HARS1: variants seen among roughly 807,000 people sequenced by gnomAD.
HARS1 encodes histidyl-tRNA synthetase 1.
Under a neutral mutation model 63.6 loss-of-function variants are expected in HARS1, and 45 were observed. That is an observed-to-expected ratio of 0.71 (90% CI 0.56 to 0.91). HARS1 has a LOEUF of 0.91. HARS1 is among the 40% of genes least tolerant of loss of function. The pLI, the probability that HARS1 is intolerant of heterozygous loss-of-function variation, is 0.00. For synonymous variants in HARS1, 205 were observed against 247.1 expected, an observed-to-expected ratio of 0.83 and a Z score of 1.60; for missense variants, 508 against 643.2, an observed-to-expected ratio of 0.79 and a Z score of 2.27.
At chr5:140,677,626 G>A (rs1372188038) in intron 7 of HARS1, 29 bp downstream of exon 7, 1 of 1,466,606 alleles carries the variant, frequency 6.8e-7, no homozygotes, top group African/African-American at 1.4e-5. Context: ...TGGGATCTGG[G>A]AAAAGAAGTC....
At chr5:140,682,193 G>A (rs1156345728) in intron 3 of HARS1, among the ~76,000 whole-genome samples, 1 of 152,066 alleles carries the variant, frequency 6.6e-6, no homozygotes, top group African/African-American at 2.4e-5. Context: ...AAGCAGCCTG[G>A]GCAACATAGC....
chr5:140,680,581 CGCCTGTAATCCCA>C, intron 3 of HARS1, among the ~76,000 whole-genome samples: 1 of 152,088 alleles, frequency 6.6e-6, no homozygotes, highest in East Asian at 1.9e-4. Flanking sequence ...TAGCGGCTCA[CGCCTGTAATCCCA>C]GCACTTTGGG....
intron 3 of HARS1, 104 bp downstream of exon 3, chr5:140,682,996 C>T: frequency 9.3e-7 from 1 of 1,073,604 alleles, no homozygotes; most frequent in South Asian, 1.5e-5. Context: ...TCTGTGTCCA[C>T]AACAGGAGTG....
Position 140,679,634 on chromosome 5 carries a change from T to C in HARS1, c.396+154A>G. On this transcript the variant is annotated intron_variant, in intron 4 of 12. Transcript: ENST00000504156. The surrounding 1 kb of genome is among the most constrained non-coding windows in gnomAD (Gnocchi z 4.3). ...AAGATTTCTAAGGATGTGTATGCTC[T>C]GTTTAGCCAAAGTTCCACTCCTGGT... The C allele has an allele frequency of 1.8e-6, 1 of 558,594 alleles. No individual in the cohort carries two copies. The highest frequency in any genetic ancestry group is 3.2e-6 in the Non-Finnish European group (1 of 310,444). The allele number at this position is 558,594 out of a possible 1,614,324, so 34.6% of individuals were successfully genotyped here. A position where few individuals can be genotyped will look rare whatever the true frequency, so the allele number is the denominator to read the frequency against.
At chr5:140,674,568 T>C in intron 12 of HARS1, 111 bp downstream of exon 12, 3 of 1,215,278 alleles carry the variant, frequency 2.5e-6, no homozygotes, top group African/African-American at 3.0e-5. Flanking sequence ...AAGGCTTTTA[T>C]GAGTTGTACT....
At chr5:140,687,856 A>G (rs1461381869) in intron 2 of HARS1, 1 of 152,210 alleles carries the variant, frequency 6.6e-6, no homozygotes, top group Non-Finnish European at 1.5e-5. Context: ...TAATCCCAGC[A>G]CTTTAGGAGG....
intron 2 of HARS1, among the ~76,000 whole-genome samples, chr5:140,689,171 A>C (rs1414070343): frequency 1.3e-5 from 2 of 152,206 alleles, no homozygotes; most frequent in East Asian, 3.8e-4. Context: ...AATTAACCTT[A>C]ACACAAGGAA....
chr5:140,681,772 CAT>C (rs1174564580), intron 3 of HARS1, among the ~76,000 whole-genome samples: 2 of 152,234 alleles, frequency 1.3e-5, no homozygotes, highest in East Asian at 3.9e-4. Context: ...GGCCTGCCAA[CAT>C]GTTATGTCAA....
Position 140,679,717 on chromosome 5 carries a change from C to G in HARS1, c.396+71G>C, listed in dbSNP as rs1758603433. 4.0e-6 allele frequency: 3 copies of G among 753,426 alleles called. No homozygotes were observed. Among genetic ancestry groups the G allele is most frequent in the Admixed American group, 4.6e-5 (2 of 43,706 alleles). 46.7% of individuals were successfully genotyped at this position (753,426 alleles called of 1,614,324 possible). A position where few individuals can be genotyped will look rare whatever the true frequency, so the allele number is the denominator to read the frequency against. ...CTCATATTTGATCCTACCTACTCTACCATTCTTAAACCTGAGCCAAGTGAG... is the reference window on the plus strand; with the variant it reads ...CTCATATTTGATCCTACCTACTCTAGCATTCTTAAACCTGAGCCAAGTGAG... On this transcript the variant is annotated intron_variant, in intron 4 of 12. Transcript: ENST00000504156. This position sits in a 1 kb window ranked among gnomAD's most constrained non-coding sequence, Gnocchi z 4.3.
intron 3 of HARS1, among the ~76,000 whole-genome samples, chr5:140,680,575 G>A (rs1356306288): frequency 5.3e-5 from 8 of 152,112 alleles, no homozygotes; most frequent in Admixed American, 5.2e-4. Context: ...CAGGCATAGC[G>A]GCTCACGCCT....
At position 140,679,933 on chromosome 5, in the gene HARS1, A is replaced by T; in HGVS notation, c.301-50T>A. ...GTCATAATAATAAACATAACAATTTAAAAGGAAGTTTTGAAAACAAACATG... is the reference window on the plus strand; with the variant it reads ...GTCATAATAATAAACATAACAATTTTAAAGGAAGTTTTGAAAACAAACATG... On this transcript the variant is annotated intron_variant, in intron 3 of 12. Transcript: ENST00000504156. This position sits in a 1 kb window ranked among gnomAD's most constrained non-coding sequence, Gnocchi z 4.3. The T allele has an allele frequency of 9.5e-7, 1 of 1,058,064 alleles. No individual in the cohort carries two copies. The highest frequency in any genetic ancestry group is 1.3e-5 in the South Asian group (1 of 75,358). 65.5% of individuals were successfully genotyped at this position (1,058,064 alleles called of 1,614,324 possible).
chr5:140,676,828 C>T lies in HARS1; in HGVS notation c.1020G>A (p.Leu340=), dbSNP rs1185185411. 1 of 1,614,158 alleles carries T rather than the reference C, an allele frequency of 6.2e-7. No homozygotes were observed. The highest frequency in any genetic ancestry group is 8.5e-7 in the Non-Finnish European group (1 of 1,180,056). ...YYTGVIYEAV[L]LQTPAQAGEE... ...CCCCTGCCTGGGCTGGGGTCTGTAG[C>T]AGCACTGCCTCATAGATCACCCCAG... The change falls in exon 10 of 13, where the codon CTG becomes CTA. Residue 340 remains leucine (L), a synonymous_variant. Coordinates refer to ENST00000504156, the MANE Select transcript of HARS1 (RefSeq NM_002109.6). This position sits in a 1 kb window ranked among gnomAD's most constrained non-coding sequence, Gnocchi z 4.1.
intron 3 of HARS1, among the ~76,000 whole-genome samples, chr5:140,680,958 C>CATTG (rs917747926): frequency 7.9e-5 from 12 of 151,524 alleles, no homozygotes; most frequent in African/African-American, 2.9e-4. Context: ...GGTTATCAGA[C>CATTG]CAATAAACAT....
chr5:140,688,860 A>G (rs923250090), intron 2 of HARS1, among the ~76,000 whole-genome samples: 5 of 152,330 alleles, frequency 3.3e-5, no homozygotes, highest in Admixed American at 1.3e-4. Context: ...AGTTAGTCCA[A>G]AGATCTGATT....
chr5:140,681,318 T>C (rs1218318486), intron 3 of HARS1, among the ~76,000 whole-genome samples: 2 of 152,062 alleles, frequency 1.3e-5, no homozygotes, highest in Admixed American at 6.6e-5. Context: ...TCTGATCCAA[T>C]ATGTTGTTGT....
At chr5:140,677,213 G>T in intron 8 of HARS1, 97 bp from the exon 9 acceptor site, 3 of 1,382,602 alleles carry the variant, frequency 2.2e-6, no homozygotes, top group Non-Finnish European at 3.1e-6. Flanking sequence ...ATGCATGTGT[G>T]TGTACATATG....
chr5:140,677,582 C>A (rs919870941), intron 7 of HARS1, 73 bp downstream of exon 7: 2 of 1,163,332 alleles, frequency 1.7e-6, no homozygotes, highest in Non-Finnish European at 2.6e-6. Context: ...ACCTCTCTCT[C>A]TCTCAATCTT....
chr5:140,680,420 C>T (rs967444283), intron 3 of HARS1, among the ~76,000 whole-genome samples: 3 of 152,004 alleles, frequency 2.0e-5, no homozygotes, highest in Non-Finnish European at 4.4e-5. Context: ...ACTGGGATTA[C>T]AAGTGCGAGC....
At chr5:140,677,469 C>T (rs373483955) in intron 7 of HARS1, 49 bp from the exon 8 acceptor site, 1 of 1,408,556 alleles carries the variant, frequency 7.1e-7, no homozygotes, top group Non-Finnish European at 1.0e-6. Context: ...TTCCGCACCA[C>T]AGAGCAAGTG....
Sources: allele counts gnomAD v4.1 joint callset (sites outside exome capture counted in the v4.1 genomes callset), GRCh38; gene constraint gnomAD v4.1.1; non-coding constraint Gnocchi (gnomAD v3.1); transcripts MANE v1.5; gene names NCBI Gene and HGNC (gene_info 2026-07-23, HGNC 2026-07-21).